The following SPIN1 variants were observed in gnomAD, a reference collection of about 807,000 sequenced individuals.
The protein encoded by SPIN1 is spindlin 1.
A neutral mutation model predicts 26.0 loss-of-function variants in SPIN1; 3 were observed. That is an observed-to-expected ratio of 0.12 (90% CI 0.05 to 0.30). The LOEUF (loss-of-function observed/expected upper bound fraction) is 0.30, where lower values mean the gene tolerates loss of function less well. Among genes scored for constraint, SPIN1 ranks in the 10% least tolerant of loss-of-function variants. SPIN1 has a pLI of 1.00. For synonymous variants in SPIN1, 101 were observed against 116.5 expected, an observed-to-expected ratio of 0.87 and a Z score of 0.86; for missense variants, 126 against 333.4, an observed-to-expected ratio of 0.38 and a Z score of 4.84.
intron 4 of SPIN1, among the ~76,000 whole-genome samples, chr9:88,463,229 G>A (rs1828605629): frequency 6.6e-6 from 1 of 152,140 alleles, no homozygotes; most frequent in South Asian, 2.1e-4. Flanking sequence ...GAGCTTGATT[G>A]AACAATGTTT....
chr9:88,409,166 T>C (rs1453069049), intron 1 of SPIN1, among the ~76,000 whole-genome samples: 2 of 151,600 alleles, frequency 1.3e-5, no homozygotes, highest in African/African-American at 4.8e-5. Context: ...CGGCTAATTT[T>C]GTATTTTTAG....
rs1015335493 is a variant in SPIN1 at position 88,441,710 on chromosome 9, C to T, written c.53-7231C>T. Among the ~76,000 whole-genome samples the T allele has an allele frequency of 4.4e-4, 67 of 151,146 alleles. 2 individuals carry two copies. The highest frequency in any genetic ancestry group is 1.6e-3 in the African/African-American group (64 of 40,964). On this transcript the variant is annotated intron_variant, in intron 2 of 5. Transcript: ENST00000375859. ...CGTTGAGGTTGCAGTGAGCCATAAT[C>T]GCACCACCGCAGTCCAGCCTGGGCC... is the stretch of plus-strand genomic sequence containing the variant.
intron 1 of SPIN1, among the ~76,000 whole-genome samples, chr9:88,393,181 A>G (rs7020537): frequency 0.053 from 7,951 of 149,086 alleles, 697 homozygotes; most frequent in African/African-American, 0.18. Context: ...GAATTTACTC[A>G]ATGTAAATAT....
chr9:88,451,917 T>C (rs1233184370), intron 3 of SPIN1, among the ~76,000 whole-genome samples: 1 of 152,208 alleles, frequency 6.6e-6, no homozygotes, highest in East Asian at 1.9e-4. Context: ...ACAAATTTAT[T>C]TCTAGTGGTT....
chr9:88,437,778 T>C (rs1025354182), intron 2 of SPIN1, among the ~76,000 whole-genome samples: 2 of 152,240 alleles, frequency 1.3e-5, no homozygotes, highest in Non-Finnish European at 2.9e-5. Context: ...CTCTAATTTT[T>C]AAAAGTTTAT....
chr9:88,475,982 A>T lies in SPIN1; in HGVS notation c.*705A>T, dbSNP rs889951034. Reference sequence around the variant, plus strand: ...GAGCCCTTAAACCATAAGTCCAAATATGAATTATTTGTGAACAGTTAATGA... The same window carrying T: ...GAGCCCTTAAACCATAAGTCCAAATTTGAATTATTTGTGAACAGTTAATGA... On this transcript the variant is annotated 3_prime_UTR_variant, in exon 6 of 6. Coordinates refer to ENST00000375859, the MANE Select transcript of SPIN1 (RefSeq NM_006717.3). 2.6e-5 allele frequency: 4 copies of T among 152,154 alleles called. No homozygotes were observed. The highest frequency in any genetic ancestry group is 6.5e-5 in the Admixed American group (1 of 15,276). The allele number at this position is 152,154 out of a possible 1,614,324, so 9.4% of individuals were successfully genotyped here. A position where few individuals can be genotyped will look rare whatever the true frequency, so the allele number is the denominator to read the frequency against.
intron 2 of SPIN1, among the ~76,000 whole-genome samples, chr9:88,428,706 ATTC>A (rs1303815659): frequency 3.3e-5 from 5 of 152,096 alleles, no homozygotes; most frequent in African/African-American, 1.2e-4. Flanking sequence ...ACATTTTCTT[ATTC>A]TTTGATTTTT....
intron 1 of SPIN1, chr9:88,410,803 A>C (rs1827426702): frequency 1.0e-6 from 1 of 993,470 alleles, no homozygotes; most frequent in East Asian, 2.4e-5. Context: ...ATGACCACTG[A>C]AGTTTCCTCC....
At chr9:88,405,207 C>T (rs1030338992) in intron 1 of SPIN1, among the ~76,000 whole-genome samples, 1 of 152,130 alleles carries the variant, frequency 6.6e-6, no homozygotes, top group Admixed American at 6.6e-5. Flanking sequence ...GTACAATGTA[C>T]TGTACGTAAT....
At chr9:88,440,155 A>AT (rs1045113834) in intron 2 of SPIN1, among the ~76,000 whole-genome samples, 12 of 142,228 alleles carry the variant, frequency 8.4e-5, no homozygotes, top group Admixed American at 4.2e-4. Flanking sequence ...TTTGTTTTTA[A>AT]TTTTTTTTTT....
Position 88,453,088 on chromosome 9 carries a change from A to G in SPIN1, c.101+4099A>G, listed in dbSNP as rs372125385. Among the ~76,000 whole-genome samples the G allele has an allele frequency of 1.3e-3, 192 of 152,314 alleles. 5 individuals carry two copies. In the South Asian group the frequency reaches 0.036, roughly 29 times the overall value. ...TTCAAGCCATTAAGGAAGTCTAGGTAAAAAGATGAAAGGTCGTTTTCCTTT... is the reference window on the plus strand; with the variant it reads ...TTCAAGCCATTAAGGAAGTCTAGGTGAAAAGATGAAAGGTCGTTTTCCTTT... On this transcript the variant is annotated intron_variant, in intron 3 of 5. Coordinates refer to ENST00000375859, the MANE Select transcript of SPIN1 (RefSeq NM_006717.3).
intron 3 of SPIN1, among the ~76,000 whole-genome samples, chr9:88,453,321 C>T (rs899304070): frequency 2.0e-4 from 31 of 152,078 alleles, no homozygotes; most frequent in African/African-American, 1.7e-4. Flanking sequence ...AGTGTTTGTT[C>T]TATATCAGTG....
At chr9:88,437,722 T>C (rs1007796570) in intron 2 of SPIN1, among the ~76,000 whole-genome samples, 12 of 152,250 alleles carry the variant, frequency 7.9e-5, no homozygotes, top group Non-Finnish European at 1.0e-4. Flanking sequence ...TTTGGTTTCA[T>C]TGATTTTTCT....
At chr9:88,397,679 T>G (rs1389032200) in intron 1 of SPIN1, among the ~76,000 whole-genome samples, 2 of 151,834 alleles carry the variant, frequency 1.3e-5, no homozygotes, top group Non-Finnish European at 2.9e-5. Context: ...TGGAGTGCAG[T>G]GGTGCGGTCT....
intron 1 of SPIN1, among the ~76,000 whole-genome samples, chr9:88,407,934 TG>T (rs1827344523): frequency 6.6e-6 from 1 of 151,826 alleles, no homozygotes; most frequent in African/African-American, 2.4e-5. Context: ...GGCTATTTTT[TG>T]TGGTTTTTGT....
intron 2 of SPIN1, among the ~76,000 whole-genome samples, chr9:88,440,275 C>T (rs1383855823): frequency 1.3e-5 from 2 of 150,280 alleles, no homozygotes; most frequent in South Asian, 2.1e-4. Flanking sequence ...ATGATTCCAC[C>T]TTTTTCCCTT....
At chr9:88,448,441 TC>T (rs924781874) in intron 2 of SPIN1, among the ~76,000 whole-genome samples, 124 of 152,090 alleles carry the variant, frequency 8.2e-4, no homozygotes, top group Non-Finnish European at 2.6e-4. Context: ...AACCTCGACT[TC>T]CTGGGCTCAA....
At chr9:88,392,789 G>C (rs1388006525) in intron 1 of SPIN1, among the ~76,000 whole-genome samples, 1 of 152,158 alleles carries the variant, frequency 6.6e-6, no homozygotes, top group Non-Finnish European at 1.5e-5. Flanking sequence ...CTGGTGTACA[G>C]TAAATGCCCA....
chr9:88,394,734 A>G (rs1827014785), intron 1 of SPIN1, among the ~76,000 whole-genome samples: 1 of 148,070 alleles, frequency 6.8e-6, no homozygotes, highest in Non-Finnish European at 1.5e-5. Flanking sequence ...ATTATGTTAT[A>G]TGTTTGATAA....
Sources: gnomAD v4.1 joint callset for allele counts (sites outside exome capture counted in the v4.1 genomes callset) on GRCh38, gnomAD v4.1.1 for gene constraint, MANE v1.5 for transcripts, NCBI Gene and HGNC (gene_info 2026-07-23, HGNC 2026-07-21) for gene names.